The following APBB2 variants were observed in gnomAD, a reference collection of about 807,000 sequenced individuals.
The protein encoded by APBB2 is Fe65-like 1.
Under a neutral mutation model 82.5 loss-of-function variants are expected in APBB2, and 38 were observed. That is an observed-to-expected ratio of 0.46 (90% confidence interval 0.36 to 0.60). The LOEUF (loss-of-function observed/expected upper bound fraction) is 0.60, where lower values mean the gene tolerates loss of function less well. APBB2 is among the 20% of genes least tolerant of loss of function. The pLI, the probability that APBB2 is intolerant of heterozygous loss-of-function variation, is 0.00. For synonymous variants in APBB2, 341 were observed against 368.2 expected (o/e 0.93, Z 0.85); for missense variants, 772 against 972.3 (o/e 0.79, Z 2.74).
chr4:40,866,317 T>A (rs1764022065), intron 12 of APBB2, among the ~76,000 whole-genome samples: 1 of 152,036 alleles, frequency 6.6e-6, no homozygotes, highest in Non-Finnish European at 1.5e-5. Flanking sequence ...ATAGAAGCAC[T>A]TTACTTTCTT....
At chr4:40,874,906 T>A (rs535493273) in intron 12 of APBB2, among the ~76,000 whole-genome samples, 1 of 152,214 alleles carries the variant, frequency 6.6e-6, no homozygotes, top group Admixed American at 6.5e-5. Context: ...ATTCAAACTA[T>A]GACCAATCAG....
intron 12 of APBB2, chr4:40,842,237 C>G (rs1756056729): frequency 2.8e-6 from 1 of 358,798 alleles, no homozygotes; most frequent in African/African-American, 2.1e-5. Flanking sequence ...CAAAACAAAA[C>G]AAAACAAAAG....
chr4:40,950,928 T>C (rs1789975516), intron 6 of APBB2, among the ~76,000 whole-genome samples: 3 of 152,086 alleles, frequency 2.0e-5, no homozygotes, highest in Admixed American at 1.3e-4. Flanking sequence ...AAAAATGAGC[T>C]ATACACAACA....
intron 16 of APBB2, among the ~76,000 whole-genome samples, chr4:40,822,712 G>A (rs899024646): frequency 1.3e-4 from 20 of 152,320 alleles, no homozygotes; most frequent in Middle Eastern, 3.4e-3. Context: ...CATCCAAAAT[G>A]TTGACTTTTG....
chr4:41,209,000 G>T (rs1184815978), intron 1 of APBB2, among the ~76,000 whole-genome samples: 3 of 152,180 alleles, frequency 2.0e-5, no homozygotes, highest in African/African-American at 7.2e-5. Context: ...CACACAAAGA[G>T]CTCTAATACC....
chr4:40,926,098 G>T (rs1361279242), intron 10 of APBB2, among the ~76,000 whole-genome samples: 2 of 152,188 alleles, frequency 1.3e-5, no homozygotes, highest in African/African-American at 4.8e-5. Context: ...AGAACTAGAA[G>T]ATACTGCATA....
intron 1 of APBB2, among the ~76,000 whole-genome samples, chr4:41,184,495 T>A (rs1772329030): frequency 6.6e-6 from 1 of 152,170 alleles, no homozygotes; most frequent in Admixed American, 6.5e-5. Context: ...CTTAGACCAC[T>A]CTGCCCCAGA....
At chr4:41,092,698 A>C (rs1742183099) in intron 3 of APBB2, among the ~76,000 whole-genome samples, 1 of 151,938 alleles carries the variant, frequency 6.6e-6, no homozygotes, top group African/African-American at 2.4e-5. Context: ...CAAAAAAAAA[A>C]AAAAAAAGTA....
At chr4:40,954,490 G>A (rs1366335564) in intron 6 of APBB2, among the ~76,000 whole-genome samples, 1 of 152,078 alleles carries the variant, frequency 6.6e-6, no homozygotes, top group African/African-American at 2.4e-5. Flanking sequence ...CAATAGATGG[G>A]GAACTGCACA....
intron 3 of APBB2, chr4:41,084,571 A>G (rs1000504640): frequency 2.6e-5 from 4 of 152,272 alleles, no homozygotes; most frequent in African/African-American, 9.6e-5. Flanking sequence ...CTGGTCCAAA[A>G]GAATTGAGTA....
chr4:40,893,260 C>A lies in APBB2; in HGVS notation c.1401+5G>T, dbSNP rs1384064544. The A allele has an allele frequency of 6.2e-7, 1 of 1,612,816 alleles. No homozygotes were observed. Among genetic ancestry groups the A allele is most frequent in the African/African-American group, 1.3e-5 (1 of 74,884 alleles). ...CTGCCGTGCATCATTCTACATGCCA[C>A]TTACCTCTCCCCAAATCCCGACTGT... On this transcript the variant is annotated splice_donor_5th_base_variant and intron_variant, in intron 11 of 17. Transcript: ENST00000508593.
intron 12 of APBB2, among the ~76,000 whole-genome samples, chr4:40,831,955 C>T (rs1315494797): frequency 6.6e-6 from 1 of 151,308 alleles, no homozygotes; most frequent in East Asian, 1.9e-4. Context: ...CATTGGAAGA[C>T]AGCAGTTCAA....
intron 3 of APBB2, among the ~76,000 whole-genome samples, chr4:41,093,601 C>T (rs1326839476): frequency 6.6e-6 from 1 of 152,170 alleles, no homozygotes; most frequent in African/African-American, 2.4e-5. Context: ...TGCCTGTAAT[C>T]CCAGCACTTT....
intron 12 of APBB2, among the ~76,000 whole-genome samples, chr4:40,875,789 G>C (rs1766733405): frequency 6.6e-6 from 1 of 150,820 alleles, no homozygotes; most frequent in Admixed American, 6.6e-5. Flanking sequence ...AGTAATGTTT[G>C]CAACTTTCTG....
At chr4:40,893,687 G>A (rs944335194) in intron 10 of APBB2, among the ~76,000 whole-genome samples, 2 of 152,118 alleles carry the variant, frequency 1.3e-5, no homozygotes, top group Admixed American at 6.5e-5. Context: ...GGCCAGGTGC[G>A]GTGGCTTACA....
intron 1 of APBB2, among the ~76,000 whole-genome samples, chr4:41,153,699 CAGGAAAGTGG>C (rs1762813587): frequency 6.6e-6 from 1 of 152,138 alleles, no homozygotes; most frequent in Non-Finnish European, 1.5e-5. Context: ...GCATAGAATA[CAGGAAAGTGG>C]AGGAATTGAG....
At chr4:40,828,422 C>T (rs956009946) in intron 13 of APBB2, among the ~76,000 whole-genome samples, 1 of 152,200 alleles carries the variant, frequency 6.6e-6, no homozygotes, top group Non-Finnish European at 1.5e-5. Flanking sequence ...TCATTTCCAT[C>T]GCAGACCTCT....
chr4:40,894,151 G>A (rs1185113226), intron 10 of APBB2, among the ~76,000 whole-genome samples: 2 of 152,098 alleles, frequency 1.3e-5, no homozygotes, highest in African/African-American at 4.8e-5. Context: ...AGCCAGGCGT[G>A]GTGGTGGGCG....
chr4:41,082,879 T>C (rs1326030000), intron 3 of APBB2, among the ~76,000 whole-genome samples: 2 of 152,072 alleles, frequency 1.3e-5, no homozygotes, highest in African/African-American at 4.8e-5. Flanking sequence ...ATGACAAATA[T>C]AGGCTGTGCA....
Sources: allele counts gnomAD v4.1 joint callset (sites outside exome capture counted in the v4.1 genomes callset), GRCh38; gene constraint gnomAD v4.1.1; transcripts MANE v1.5; gene names NCBI Gene and HGNC (gene_info 2026-07-23, HGNC 2026-07-21).